Variants in CEP112 observed in about 807,000 individuals in gnomAD.
The protein encoded by CEP112 is centrosomal protein 112.
A neutral mutation model predicts 153.0 loss-of-function variants in CEP112; 127 were observed. The observed-to-expected ratio is 0.83, with a 90% CI of 0.72 to 0.96. CEP112 has a LOEUF of 0.96. Among genes scored for constraint, CEP112 ranks in the 40% least tolerant of loss-of-function variants. The probability of loss-of-function intolerance (pLI) is 0.00; values close to 1 mark genes in which losing one functional copy is unlikely to be tolerated. For synonymous variants in CEP112, 358 were observed against 374.4 expected (o/e 0.96, Z 0.51); for missense variants, 1,089 against 1,101.2 (o/e 0.99, Z 0.16).
chr17:66,104,545 T>G (rs2068699291), intron 6 of CEP112, among the ~76,000 whole-genome samples: 1 of 152,106 alleles, frequency 6.6e-6, no homozygotes, highest in Non-Finnish European at 1.5e-5. Flanking sequence ...ATCCCGCACA[T>G]TCCCAGATGT....
intron 16 of CEP112, among the ~76,000 whole-genome samples, chr17:66,021,076 G>A (rs921398426): frequency 6.6e-5 from 10 of 152,074 alleles, no homozygotes; most frequent in African/African-American, 2.4e-4. Context: ...TAGGCCATGG[G>A]GAACACCCTA....
chr17:65,804,826 C>T (rs571568071), intron 21 of CEP112, among the ~76,000 whole-genome samples: 3 of 152,036 alleles, frequency 2.0e-5, no homozygotes, highest in African/African-American at 7.2e-5. Context: ...TAGGTGAGGG[C>T]CACAGTCCAT....
At chr17:66,128,673 G>A (rs1216928183) in intron 6 of CEP112, among the ~76,000 whole-genome samples, 6 of 152,100 alleles carry the variant, frequency 3.9e-5, no homozygotes. Context: ...TTCTTATAAG[G>A]AATTTTACTG....
At chr17:65,729,770 G>A (rs1006658192) in intron 23 of CEP112, among the ~76,000 whole-genome samples, 10 of 152,096 alleles carry the variant, frequency 6.6e-5, no homozygotes, top group African/African-American at 2.2e-4. Flanking sequence ...CTAGCTGGGT[G>A]TGGTGACGCA....
At chr17:66,072,641 A>G (rs1460536010) in intron 8 of CEP112, among the ~76,000 whole-genome samples, 11 of 152,198 alleles carry the variant, frequency 7.2e-5, no homozygotes, top group African/African-American at 1.9e-4. Flanking sequence ...GTTTGTCCCA[A>G]TATCTCCAAT....
chr17:65,910,476 GC>G (rs35943036), intron 19 of CEP112, among the ~76,000 whole-genome samples: 35,620 of 151,898 alleles, frequency 0.23, 4,576 homozygotes, highest in South Asian at 0.39. Context: ...TAAGGAAGAG[GC>G]CCATCATTAA....
intron 19 of CEP112, chr17:65,903,320 G>A (rs1451668261): frequency 6.6e-6 from 1 of 152,318 alleles, no homozygotes; most frequent in East Asian, 1.9e-4. Flanking sequence ...AACAGTAGGA[G>A]CCTGCTCCAA....
At chr17:65,929,181 C>T (rs181935813) in intron 18 of CEP112, among the ~76,000 whole-genome samples, 1 of 152,216 alleles carries the variant, frequency 6.6e-6, no homozygotes, top group Non-Finnish European at 1.5e-5. Context: ...TGTACACATA[C>T]GAGTGAATTG....
chr17:66,149,404 T>C (rs560003281), intron 4 of CEP112, among the ~76,000 whole-genome samples: 16 of 152,336 alleles, frequency 1.1e-4, no homozygotes, highest in African/African-American at 3.4e-4. Context: ...TGAAGAGGGA[T>C]TGGCATTAAT....
intron 19 of CEP112, chr17:65,913,651 A>C (rs995665932): frequency 1.0e-6 from 1 of 985,300 alleles, no homozygotes; most frequent in Non-Finnish European, 1.2e-6. Context: ...TGTTGCTGTG[A>C]TAACCGCTGT....
intron 18 of CEP112, among the ~76,000 whole-genome samples, chr17:65,958,590 G>T (rs2062082766): frequency 6.6e-6 from 1 of 152,254 alleles, no homozygotes; most frequent in Non-Finnish European, 1.5e-5. Flanking sequence ...CCAGCCCCCT[G>T]CTGCCTCAGC....
At chr17:65,996,639 T>C (rs912420336) in intron 17 of CEP112, among the ~76,000 whole-genome samples, 7 of 152,208 alleles carry the variant, frequency 4.6e-5, no homozygotes, top group South Asian at 4.1e-4. Flanking sequence ...GATAGCTTCA[T>C]CTTCCTTATT....
intron 20 of CEP112, among the ~76,000 whole-genome samples, chr17:65,901,856 T>TA (rs1037378558): frequency 1.9e-4 from 28 of 151,232 alleles, no homozygotes; most frequent in South Asian, 2.1e-4. Flanking sequence ...GCAGATACCT[T>TA]AAAAAAATCC....
intron 21 of CEP112, among the ~76,000 whole-genome samples, chr17:65,814,646 C>T (rs1414730894): frequency 6.6e-6 from 1 of 152,122 alleles, no homozygotes; most frequent in African/African-American, 2.4e-5. Context: ...CCAAAGATAG[C>T]ACAGGATGTG....
At chr17:66,182,167 A>G (rs1746604401) in intron 2 of CEP112, 1 of 152,216 alleles carries the variant, frequency 6.6e-6, no homozygotes, top group Non-Finnish European at 1.5e-5. Flanking sequence ...ACAATAAGAT[A>G]TTTTGAAAGA....
Position 66,175,200 on chromosome 17 carries a change from T to G in CEP112, c.314A>C (p.Glu105Ala). ...LPSYMSIYFD[E>A]PNPARAKGSS... The stretch of plus-strand genomic sequence containing the variant: ...ACCTTTTGCTCGTGCTGGATTTGGT[T>G]CATCAAAATAGATGGACTGATTTTT... Residue 105 changes from glutamate (E) to alanine (A), a missense_variant, in exon 4 of 27, where the codon GAA (glutamate) becomes GCA (alanine). Transcript: ENST00000535342. 1 of 1,587,974 alleles carries G rather than the reference T, an allele frequency of 6.3e-7. No homozygotes were observed.
At chr17:65,782,545 C>T (rs1286424824) in intron 21 of CEP112, among the ~76,000 whole-genome samples, 9 of 152,122 alleles carry the variant, frequency 5.9e-5, no homozygotes. Flanking sequence ...TACATGAGTG[C>T]TCACTGCAGC....
intron 18 of CEP112, among the ~76,000 whole-genome samples, chr17:65,931,189 G>A (rs1349089175): frequency 6.6e-6 from 1 of 152,130 alleles, no homozygotes; most frequent in Non-Finnish European, 1.5e-5. Flanking sequence ...TCAGCAAGAT[G>A]GTAGAATAAA....
At chr17:65,963,736 C>T (rs2062306862) in intron 17 of CEP112, among the ~76,000 whole-genome samples, 1 of 151,652 alleles carries the variant, frequency 6.6e-6, no homozygotes, top group African/African-American at 2.4e-5. Flanking sequence ...CATCCCCACC[C>T]CTGTATTTGG....
Sources: allele counts gnomAD v4.1 joint callset (sites outside exome capture counted in the v4.1 genomes callset), GRCh38; gene constraint gnomAD v4.1.1; transcripts MANE v1.5; gene names NCBI Gene and HGNC (gene_info 2026-07-23, HGNC 2026-07-21).